ZC3H12B: variants seen among roughly 807,000 people sequenced by gnomAD.
ZC3H12B encodes the protein zinc finger CCCH-type containing 12B, also known as probable ribonuclease ZC3H12B.
A neutral mutation model predicts 43.9 loss-of-function variants in ZC3H12B; 7 were observed. The observed-to-expected ratio is 0.16, with a 90% CI of 0.09 to 0.30. The LOEUF is 0.30. Ranked by LOEUF, ZC3H12B falls within the 10% of genes least tolerant of loss-of-function variation. ZC3H12B has a pLI of 1.00. For synonymous variants in ZC3H12B, 222 were observed against 241.7 expected, an observed-to-expected ratio of 0.92 and a Z score of 0.76; for missense variants, 475 against 670.2, an observed-to-expected ratio of 0.71 and a Z score of 3.22.
the ZC3H12B span, among the ~76,000 whole-genome samples, chrX:65,311,115 G>A: frequency 8.9e-6 from 1 of 111,908 alleles, no homozygotes; most frequent in Non-Finnish European, 1.9e-5. Flanking sequence ...AACACCAAAA[G>A]CAATGGCAAC....
chrX:65,390,328 C>A (rs918083241), intron 2 of ZC3H12B, among the ~76,000 whole-genome samples: 2 of 109,817 alleles, frequency 1.8e-5, no homozygotes, highest in Non-Finnish European at 3.8e-5. Context: ...TGGGTGTAGC[C>A]CACCAACATG....
At chrX:65,410,599 G>C (rs1307415919) in intron 3 of ZC3H12B, among the ~76,000 whole-genome samples, 1 of 110,628 alleles carries the variant, frequency 9.0e-6, no homozygotes, top group Non-Finnish European at 1.9e-5. Flanking sequence ...AATATATAAG[G>C]AGCTCAAAGA....
intron 2 of ZC3H12B, among the ~76,000 whole-genome samples, chrX:65,378,965 G>A (rs753187073): frequency 8.9e-6 from 1 of 112,429 alleles, no homozygotes; most frequent in Admixed American, 9.3e-5. Flanking sequence ...CTATGCCCAC[G>A]GAGTCTCATT....
At chrX:65,451,796 G>C (rs1236073304) in intron 3 of ZC3H12B, among the ~76,000 whole-genome samples, 1 of 111,889 alleles carries the variant, frequency 8.9e-6, no homozygotes, top group Non-Finnish European at 1.9e-5. Flanking sequence ...GGGTTTGTGC[G>C]TTTAATTTCC....
intron 3 of ZC3H12B, among the ~76,000 whole-genome samples, chrX:65,428,043 A>G (rs2067104982): frequency 8.9e-6 from 1 of 111,811 alleles, no homozygotes; most frequent in Non-Finnish European, 1.9e-5. Context: ...TGGATATGAA[A>G]TGCTAGGTTG....
chrX:65,083,883 A>T, the ZC3H12B span, among the ~76,000 whole-genome samples: 2 of 112,007 alleles, frequency 1.8e-5, no homozygotes, highest in African/African-American at 6.5e-5. Flanking sequence ...AGTAACCAAA[A>T]CACTGTGATA....
the ZC3H12B span, among the ~76,000 whole-genome samples, chrX:65,229,549 T>C: frequency 1.8e-5 from 2 of 111,231 alleles, no homozygotes; most frequent in Admixed American, 1.9e-4. Context: ...CCAATTAAAC[T>C]AAAGAACTTC....
At chrX:65,054,803 A>G in the ZC3H12B span, among the ~76,000 whole-genome samples, 3 of 111,493 alleles carry the variant, frequency 2.7e-5, no homozygotes, top group East Asian at 8.5e-4. Context: ...AGTCCTTCAC[A>G]TCCCTTGTAA....
At chrX:65,301,215 A>C in the ZC3H12B span, among the ~76,000 whole-genome samples, 1 of 111,697 alleles carries the variant, frequency 9.0e-6, no homozygotes, top group Non-Finnish European at 1.9e-5. Flanking sequence ...GTGAAAAAGC[A>C]ACACTTTTAC....
the ZC3H12B span, among the ~76,000 whole-genome samples, chrX:65,151,914 A>T: frequency 8.9e-6 from 1 of 112,011 alleles, no homozygotes; most frequent in African/African-American, 3.2e-5. Flanking sequence ...CTGGGAGGCA[A>T]GGCTGGTTCA....
In ZC3H12B at chrX:65,419,495, G is replaced by A. The variant is rs1195807849; in HGVS notation, n.407+20791G>A. ...AGGTAAGGGATTACAGCACCTGGGA[G>A]TGCATAGAAATAATAAAAGACAAAT... On this transcript the variant is annotated intron_variant and non_coding_transcript_variant, in intron 3 of 5. Transcript: ENST00000617377. 3.6e-5 allele frequency among the ~76,000 whole-genome samples: 4 copies of A among 111,742 alleles called. No homozygotes were observed. In the East Asian group the frequency reaches 8.4e-4, roughly 24 times the overall value.
the ZC3H12B span, among the ~76,000 whole-genome samples, chrX:65,048,771 C>G: frequency 9.0e-6 from 1 of 110,977 alleles, no homozygotes; most frequent in African/African-American, 3.3e-5. Flanking sequence ...GAATACAGTG[C>G]ACTACTATTA....
chrX:65,368,407 A>T (rs1387617236), intron 1 of ZC3H12B, among the ~76,000 whole-genome samples: 1 of 112,053 alleles, frequency 8.9e-6, no homozygotes. Flanking sequence ...ATCATAGGAT[A>T]TATATAAAAA....
At chrX:65,461,648 A>G (rs12836549) in intron 3 of ZC3H12B, among the ~76,000 whole-genome samples, 1 of 111,453 alleles carries the variant, frequency 9.0e-6, no homozygotes, top group Non-Finnish European at 1.9e-5. Flanking sequence ...TGGGAATTGA[A>G]CAATGAGAAC....
At chrX:65,482,666 A>G (rs1452627484) in intron 3 of ZC3H12B, among the ~76,000 whole-genome samples, 1 of 112,268 alleles carries the variant, frequency 8.9e-6, no homozygotes, top group Non-Finnish European at 1.9e-5. Flanking sequence ...GATTGAATCA[A>G]GTATAAATTG....
At chrX:65,339,388 CA>C in the ZC3H12B span, among the ~76,000 whole-genome samples, 1 of 111,837 alleles carries the variant, frequency 8.9e-6, no homozygotes, top group African/African-American at 3.3e-5. Context: ...TTGCTCTCAC[CA>C]CAGGCCTCTG....
At chrX:65,109,237 G>A in the ZC3H12B span, among the ~76,000 whole-genome samples, 1 of 111,558 alleles carries the variant, frequency 9.0e-6, no homozygotes, top group Non-Finnish European at 1.9e-5. Context: ...CCTGCTTAAA[G>A]TGTACAATTT....
the ZC3H12B span, among the ~76,000 whole-genome samples, chrX:65,256,944 C>T: frequency 8.9e-6 from 1 of 112,016 alleles, no homozygotes; most frequent in East Asian, 2.8e-4. Context: ...ATGAAAAAGT[C>T]AGGAAACAGC....
chrX:65,465,037 C>G (rs1243807500), intron 3 of ZC3H12B, among the ~76,000 whole-genome samples: 2 of 111,206 alleles, frequency 1.8e-5, no homozygotes, highest in African/African-American at 6.5e-5. Flanking sequence ...TATGCCCTAA[C>G]ATATTACCAT....
Sources: gnomAD v4.1 joint callset for allele counts (sites outside exome capture counted in the v4.1 genomes callset) on GRCh38, gnomAD v4.1.1 for gene constraint, MANE v1.5 for transcripts, NCBI Gene and HGNC (gene_info 2026-07-23, HGNC 2026-07-21) for gene names.